The following RPTOR variants were observed in gnomAD, a reference collection of about 807,000 sequenced individuals.
The protein encoded by RPTOR is regulatory associated protein of MTOR complex 1, also known as regulatory-associated protein of mTOR.
In RPTOR, 21 loss-of-function variants were observed where a neutral mutation model predicts 169.9. That is an observed-to-expected ratio of 0.12 (90% CI 0.09 to 0.18). The LOEUF is 0.18. Among genes scored for constraint, RPTOR ranks in the 10% least tolerant of loss-of-function variants. The pLI is 1.00. For missense variants in RPTOR, 1,133 were observed against 1,855.9 expected, an observed-to-expected ratio of 0.61 and a Z score of 7.16; for synonymous variants, 732 against 753.2, an observed-to-expected ratio of 0.97 and a Z score of 0.46.
chr17:80,574,140 G>GT (rs368341890), intron 1 of RPTOR, among the ~76,000 whole-genome samples: 128 of 146,766 alleles, frequency 8.7e-4, no homozygotes, highest in African/African-American at 2.5e-3. Context: ...TTTTAAGATG[G>GT]TTTTTTTTTT....
chr17:80,726,555 G>A lies in RPTOR; in HGVS notation c.508-4005G>A, dbSNP rs2066336714. On this transcript the variant is annotated intron_variant, in intron 4 of 33. Coordinates refer to ENST00000306801, the MANE Select transcript of RPTOR (RefSeq NM_020761.3). The surrounding 1 kb of genome is among the most constrained non-coding windows in gnomAD (Gnocchi z 4.5). ...TCAAAAAGCAAGACCTGAGAACATG[G>A]TGTGTTAAAATATCTTTCATTTCAT... Among the ~76,000 whole-genome samples the A allele has an allele frequency of 6.6e-6, 1 of 152,204 alleles. No homozygotes were observed. The highest frequency in any genetic ancestry group is 1.5e-5 in the Non-Finnish European group (1 of 68,036).
chr17:80,623,544 T>C (rs976353986), intron 1 of RPTOR, among the ~76,000 whole-genome samples: 1 of 152,226 alleles, frequency 6.6e-6, no homozygotes, highest in Non-Finnish European at 1.5e-5. Flanking sequence ...TTTTTCTTTT[T>C]ATTTTTTTTG....
chr17:80,627,131 C>A (rs530474799), intron 2 of RPTOR, among the ~76,000 whole-genome samples: 2 of 152,304 alleles, frequency 1.3e-5, no homozygotes, highest in South Asian at 4.1e-4. Flanking sequence ...TTTCATTCTC[C>A]TGCCGCAGCC....
At chr17:80,634,275 G>GTGTGTGTGCA (rs1567830453) in intron 2 of RPTOR, among the ~76,000 whole-genome samples, 1 of 52,102 alleles carries the variant, frequency 1.9e-5, no homozygotes, top group African/African-American at 8.9e-5. Context: ...GTGTGTGTGC[G>GTGTGTGTGCA]TACTGTGTGT....
At chr17:80,743,767 T>TAGCACAGCCCTGGTTACTAGCACAGC (rs1567887258) in intron 5 of RPTOR, among the ~76,000 whole-genome samples, 1 of 84,616 alleles carries the variant, frequency 1.2e-5, no homozygotes. Context: ...ACTAGCACTC[T>TAGCACAGCCCTGGTTACTAGCACAGC]CCTGGTTACT....
intron 21 of RPTOR, among the ~76,000 whole-genome samples, chr17:80,921,386 C>T (rs563031275): frequency 6.6e-6 from 1 of 152,332 alleles, no homozygotes; most frequent in Non-Finnish European, 1.5e-5. Context: ...CGCGCACAGC[C>T]TCTGGAGTCC....
rs542296187 is a variant in RPTOR, at chr17:80,559,966, T to C, written c.162+14175T>C. On this transcript the variant is annotated intron_variant, in intron 1 of 33. Transcript: ENST00000306801. ...GTCTAGAAATGTCAGCATTAGTCAG[T>C]GTTTTGTGGGAAATCACTGTTGTTT... Among the ~76,000 whole-genome samples the C allele has an allele frequency of 2.6e-5, 4 of 152,300 alleles. No homozygotes were observed. In the East Asian group the frequency reaches 7.7e-4, roughly 29 times the overall value.
At chr17:80,766,016 A>G (rs2066783332) in intron 6 of RPTOR, among the ~76,000 whole-genome samples, 1 of 152,240 alleles carries the variant, frequency 6.6e-6, no homozygotes. Context: ...ATCTGTTTAC[A>G]GTAAGGGCCA....
intron 3 of RPTOR, among the ~76,000 whole-genome samples, chr17:80,654,163 C>G (rs1160905426): frequency 1.3e-5 from 2 of 152,204 alleles, no homozygotes; most frequent in South Asian, 2.1e-4. Context: ...ATGGTGGCCC[C>G]TAGGCCAGGG....
chr17:80,930,319 A>AT (rs2068869272), intron 24 of RPTOR, among the ~76,000 whole-genome samples: 1 of 18,996 alleles, frequency 5.3e-5, no homozygotes, highest in African/African-American at 1.9e-4. Flanking sequence ...TCCCCAGCTC[A>AT]GCTCAGCTCA....
At chr17:80,661,836 C>T (rs1320257739) in intron 3 of RPTOR, among the ~76,000 whole-genome samples, 1 of 152,058 alleles carries the variant, frequency 6.6e-6, no homozygotes, top group Non-Finnish European at 1.5e-5. Context: ...GGAGTTGCCG[C>T]GAGTCTCGTG....
intron 10 of RPTOR, among the ~76,000 whole-genome samples, chr17:80,839,133 G>T (rs762392292): frequency 2.0e-5 from 3 of 152,226 alleles, no homozygotes; most frequent in African/African-American, 7.2e-5. Flanking sequence ...GAGCCTGGGT[G>T]TGCCTGCGTG....
At chr17:80,688,678 C>T (rs1443737129) in intron 3 of RPTOR, among the ~76,000 whole-genome samples, 2 of 152,328 alleles carry the variant, frequency 1.3e-5, no homozygotes, top group Admixed American at 6.5e-5. Flanking sequence ...CGGTGCTATG[C>T]GGGCTGGGAA....
At chr17:80,588,255 C>T (rs1056465661) in intron 1 of RPTOR, among the ~76,000 whole-genome samples, 18 of 151,478 alleles carry the variant, frequency 1.2e-4, no homozygotes, top group African/African-American at 2.9e-4. Context: ...CTCCGCCTCT[C>T]GGGGTCAGGC....
At chr17:80,964,119 C>CA in intron 33 of RPTOR, 143 bp from the exon 34 acceptor site, 1 of 710,134 alleles carries the variant, frequency 1.4e-6, no homozygotes, top group Non-Finnish European at 2.4e-6. Flanking sequence ...ACCGGCCCGG[C>CA]ATTTCCGGGC....
Position 80,754,289 on chromosome 17 carries a change from C to A in RPTOR, c.830+104C>A. 1 of 1,168,134 alleles carries A rather than the reference C, an allele frequency of 8.6e-7. No individual in the cohort carries two copies. The highest frequency in any genetic ancestry group is 1.2e-6 in the Non-Finnish European group (1 of 834,134). The allele number at this position is 1,168,134 out of a possible 1,614,324, so 72.4% of individuals were successfully genotyped here. On this transcript the variant is annotated intron_variant, in intron 6 of 33. Coordinates refer to ENST00000306801, the MANE Select transcript of RPTOR (RefSeq NM_020761.3). The surrounding 1 kb of genome is among the most constrained non-coding windows in gnomAD (Gnocchi z 4.2). ...GCATTCACCTGGTCCCAGGAGCCCA[C>A]GTGACAGACATGAGTGTCCCCGCCT...
chr17:80,743,836 CAGCCCTGGTTACTAGCAG>C (rs1295673574), intron 5 of RPTOR, among the ~76,000 whole-genome samples: 31 of 94,404 alleles, frequency 3.3e-4, no homozygotes, highest in Non-Finnish European at 4.0e-4. Flanking sequence ...GCTACTAGCA[CAGCCCTGGTTACTAGCAG>C]AGCCCTGGCT....
chr17:80,818,927 G>A (rs1228534479), intron 7 of RPTOR, among the ~76,000 whole-genome samples: 3 of 152,232 alleles, frequency 2.0e-5, no homozygotes, highest in African/African-American at 4.8e-5. Flanking sequence ...GAAGCTCTTT[G>A]CTGCTCAGAA....
intron 6 of RPTOR, among the ~76,000 whole-genome samples, chr17:80,773,634 T>A (rs7211443): frequency 0.27 from 41,493 of 152,026 alleles, 5,833 homozygotes; most frequent in African/African-American, 0.33. Flanking sequence ...GTCTGTTTGT[T>A]TACAAGGCAG....
Sources: allele counts gnomAD v4.1 joint callset (sites outside exome capture counted in the v4.1 genomes callset), GRCh38; gene constraint gnomAD v4.1.1; non-coding constraint Gnocchi (gnomAD v3.1); transcripts MANE v1.5; gene names NCBI Gene and HGNC (gene_info 2026-07-23, HGNC 2026-07-21).